The following COG3 variants were observed in gnomAD, a reference collection of about 807,000 sequenced individuals.
The protein encoded by COG3 is component of oligomeric golgi complex 3.
A neutral mutation model predicts 114.1 loss-of-function variants in COG3; 32 were observed. The observed-to-expected ratio is 0.28, with a 90% confidence interval of 0.21 to 0.38. The LOEUF (loss-of-function observed/expected upper bound fraction) is 0.38. Among genes scored for constraint, COG3 ranks in the 10% least tolerant of loss-of-function variants. COG3 has a pLI of 1.00. For missense variants in COG3, 813 were observed against 973.2 expected (o/e 0.84, Z 2.19); for synonymous variants, 352 against 365.7 (o/e 0.96, Z 0.43).
At chr13:45,502,941 G>A (rs1869703337) in intron 13 of COG3, among the ~76,000 whole-genome samples, 1 of 151,960 alleles carries the variant, frequency 6.6e-6, no homozygotes, top group Admixed American at 6.6e-5. Context: ...TTAGTAGTTG[G>A]TGTCTCCTTT....
chr13:45,494,423 C>T (rs1868491443), intron 12 of COG3, among the ~76,000 whole-genome samples: 1 of 151,328 alleles, frequency 6.6e-6, no homozygotes, highest in African/African-American at 2.4e-5. Flanking sequence ...ATTTGTTACT[C>T]TTCCAAAGTT....
chr13:45,497,794 C>CAACAACAACAACAACAACAACA (rs1868993851), intron 13 of COG3, among the ~76,000 whole-genome samples: 1 of 149,688 alleles, frequency 6.7e-6, no homozygotes, highest in Admixed American at 6.6e-5. Flanking sequence ...TCAACAACAA[C>CAACAACAACAACAACAACAACA]AACAACAACA....
intron 12 of COG3, among the ~76,000 whole-genome samples, chr13:45,495,065 C>T (rs1046412101): frequency 6.8e-5 from 10 of 148,106 alleles, no homozygotes; most frequent in Admixed American, 1.4e-4. Flanking sequence ...AGGATGGTCT[C>T]GATCTCTTGA....
At chr13:45,532,327 G>A (rs1326056620) in intron 22 of COG3, among the ~76,000 whole-genome samples, 1 of 151,828 alleles carries the variant, frequency 6.6e-6, no homozygotes, top group African/African-American at 2.4e-5. Context: ...CTATATGATT[G>A]TACCACTAAC....
intron 13 of COG3, 82 bp from the exon 14 acceptor site, chr13:45,503,162 A>G (rs1869728951): frequency 4.5e-6 from 3 of 662,544 alleles, no homozygotes; most frequent in Admixed American, 2.5e-5. Flanking sequence ...AAATATATAT[A>G]TATGTACTTT....
Position 45,482,411 on chromosome 13 carries a change from A to G in COG3, c.655A>G (p.Ser219Gly). Reference sequence around the variant, plus strand: ...GAATTCCCCTACATTGTCGGTGAATAGTGACGGATTTATACCTATGCTGGC... The same window carrying G: ...GAATTCCCCTACATTGTCGGTGAATGGTGACGGATTTATACCTATGCTGGC... The part of the protein sequence containing the change: ...KLNSPTLSVN[S>G]DGFIPMLAKL... Residue 219 changes from serine to glycine, a missense_variant, in exon 6 of 23, where the codon AGT (serine) becomes GGT (glycine). Physicochemically the swap from Ser to Gly is moderately conservative, Grantham distance 56 (BLOSUM62 0). Around this residue, in one of 2 missense-constraint regions of COG3, gnomAD observed 424 missense variants for 430.6 expected, o/e 0.98. Coordinates refer to ENST00000349995, the MANE Select transcript of COG3 (RefSeq NM_031431.4). 1 of 1,567,098 alleles carries G rather than the reference A, an allele frequency of 6.4e-7. No individual in the cohort carries two copies. Among genetic ancestry groups the G allele is most frequent in the Non-Finnish European group, 8.8e-7 (1 of 1,141,786 alleles).
intron 13 of COG3, among the ~76,000 whole-genome samples, chr13:45,496,840 A>G (rs924314058): frequency 6.6e-6 from 1 of 151,300 alleles, no homozygotes; most frequent in African/African-American, 2.4e-5. Flanking sequence ...CACCCGGCTA[A>G]TTTTTTATAT....
intron 2 of COG3, among the ~76,000 whole-genome samples, chr13:45,478,260 C>T (rs1886015931): frequency 6.7e-6 from 1 of 149,656 alleles, no homozygotes; most frequent in Non-Finnish European, 1.5e-5. Flanking sequence ...GGCGTGATCT[C>T]GGCTCACTGC....
intron 14 of COG3, 120 bp downstream of exon 14, chr13:45,503,469 T>TG: frequency 6.8e-6 from 4 of 592,264 alleles, no homozygotes; most frequent in Non-Finnish European, 6.1e-6. Flanking sequence ...CCACACTTTA[T>TG]GGGGGGAGAT....
intron 16 of COG3, among the ~76,000 whole-genome samples, chr13:45,512,505 G>A (rs1015507162): frequency 6.6e-6 from 1 of 152,032 alleles, no homozygotes; most frequent in Non-Finnish European, 1.5e-5. Context: ...GCCAAGTTTT[G>A]TATTTTTTGT....
intron 1 of COG3, among the ~76,000 whole-genome samples, chr13:45,475,796 A>G (rs373405755): frequency 6.6e-6 from 1 of 151,650 alleles, no homozygotes; most frequent in African/African-American, 2.4e-5. Context: ...TAGACCCCCA[A>G]CTCTACCAAA....
intron 17 of COG3, among the ~76,000 whole-genome samples, chr13:45,518,312 G>A (rs930990555): frequency 6.6e-6 from 1 of 152,200 alleles, no homozygotes; most frequent in Non-Finnish European, 1.5e-5. Context: ...TTAGTCTGGA[G>A]GTTAAGGGGT....
chr13:45,508,683 A>T (rs1870513900), intron 14 of COG3, among the ~76,000 whole-genome samples: 1 of 152,184 alleles, frequency 6.6e-6, no homozygotes, highest in Non-Finnish European at 1.5e-5. Context: ...AAAGTATTAT[A>T]CCAGCTCCAC....
chr13:45,526,399 T>G (rs1357248533), intron 20 of COG3, among the ~76,000 whole-genome samples: 1 of 152,064 alleles, frequency 6.6e-6, no homozygotes, highest in East Asian at 1.9e-4. Flanking sequence ...AAATTTTTAA[T>G]TATGAATGCC....
intron 16 of COG3, among the ~76,000 whole-genome samples, chr13:45,512,669 C>G (rs536206362): frequency 4.0e-5 from 6 of 151,814 alleles, no homozygotes; most frequent in Admixed American, 6.6e-5. Context: ...ACTCTGTCAC[C>G]TAAGCTGGAG....
chr13:45,521,447 C>T (rs1027809577), intron 19 of COG3, among the ~76,000 whole-genome samples: 1 of 152,154 alleles, frequency 6.6e-6, no homozygotes, highest in Non-Finnish European at 1.5e-5. Flanking sequence ...CTCACTGCTG[C>T]TCACTGAGTT....
At chr13:45,489,299 AT>A (rs200923879) in intron 8 of COG3, among the ~76,000 whole-genome samples, 10 of 139,184 alleles carry the variant, frequency 7.2e-5, no homozygotes, top group South Asian at 2.4e-4. Flanking sequence ...GTTTAAAGGA[AT>A]TTTTTTTTTG....
Position 45,511,544 on chromosome 13 carries a change from G to A in COG3, c.1720-221G>A, listed in dbSNP as rs528688945. On this transcript the variant is annotated intron_variant, in intron 15 of 22. Transcript: ENST00000349995. ...GTATGCTAATCAATATTTATTGAAT[G>A]GTCACATGAATGTTTCCAGGGATGA... Among the ~76,000 whole-genome samples the A allele has an allele frequency of 1.2e-4, 19 of 152,290 alleles. No individual in the cohort carries two copies. The South Asian group carries it at 3.7e-3, about 30-fold the overall frequency.
Position 45,511,583 on chromosome 13 carries a change from AT to A in COG3, c.1720-181del, listed in dbSNP as rs368433253. ...TTCCAGGGATGACTGCATATTACAT[AT>A]CTATGTGTTGGTTTAGAAAGGTTGC... On this transcript the variant is annotated intron_variant, in intron 15 of 22. Transcript: ENST00000349995. Among the ~76,000 whole-genome samples the A allele has an allele frequency of 1.2e-3, 180 of 152,362 alleles. 3 individuals carry two copies. In the South Asian group the frequency reaches 0.024, roughly 20 times the overall value.
Sources: gnomAD v4.1 joint callset for allele counts (sites outside exome capture counted in the v4.1 genomes callset) on GRCh38, gnomAD v4.1.1 for gene constraint, gnomAD v4.1.1 regional missense constraint, MANE v1.5 for transcripts, NCBI Gene and HGNC (gene_info 2026-07-23, HGNC 2026-07-21) for gene names.